The following MYO3B variants were observed in gnomAD, a reference collection of about 807,000 sequenced individuals.
MYO3B encodes myosin-IIIb.
Under a neutral mutation model 174.6 loss-of-function variants are expected in MYO3B, and 156 were observed. The ratio of observed to expected loss-of-function variants is 0.89; its 90% confidence interval spans 0.78 to 1.02. The LOEUF (loss-of-function observed/expected upper bound fraction) is 1.02, where lower values mean the gene tolerates loss of function less well. Among genes scored for constraint, MYO3B ranks in the 50% least tolerant of loss-of-function variants. The pLI is 0.00. For synonymous variants in MYO3B, 563 were observed against 569.1 expected (o/e 0.99, Z 0.15); for missense variants, 1,632 against 1,639.4 (o/e 1.00, Z 0.08).
chr2:170,534,804 T>C (rs907339154), intron 30 of MYO3B, among the ~76,000 whole-genome samples: 3 of 152,218 alleles, frequency 2.0e-5, no homozygotes, highest in Admixed American at 2.0e-4. Context: ...ATATCATGAA[T>C]ATGTACGCAT....
chr2:170,592,576 T>G (rs928135906), intron 32 of MYO3B, among the ~76,000 whole-genome samples: 1 of 152,210 alleles, frequency 6.6e-6, no homozygotes, highest in Non-Finnish European at 1.5e-5. Flanking sequence ...CAATTCACAT[T>G]TATTGAACAC....
intron 22 of MYO3B, among the ~76,000 whole-genome samples, chr2:170,429,432 C>T (rs569839011): frequency 2.0e-5 from 3 of 152,318 alleles, no homozygotes; most frequent in South Asian, 2.1e-4. Flanking sequence ...TTCCCAGTCC[C>T]ACCAGTGACT....
intron 32 of MYO3B, among the ~76,000 whole-genome samples, chr2:170,595,526 A>C (rs1454635617): frequency 6.6e-6 from 1 of 152,050 alleles, no homozygotes; most frequent in African/African-American, 2.4e-5. Flanking sequence ...GCAGCCTTGA[A>C]CCCCCAGATT....
At position 170,310,686 on chromosome 2, in the gene MYO3B, A is replaced by AAAAAAAAAAAG. The variant is rs1394362887; in HGVS notation, c.750-24698_750-24697insAAAAAAAAAGA. On this transcript the variant is annotated intron_variant, in intron 7 of 34. Coordinates refer to ENST00000408978, the MANE Select transcript of MYO3B (RefSeq NM_138995.5). The stretch of plus-strand genomic sequence containing the variant: ...ATCTCAAAAAAAAAAAAAAAAAAAA[A>AAAAAAAAAAAG]AGAAATACATTGGTTTGGTCCAGAA... Among the ~76,000 whole-genome samples the AAAAAAAAAAAG allele has an allele frequency of 1.7e-4, 26 of 150,958 alleles. 2 individuals carry two copies. The highest frequency in any genetic ancestry group is 6.1e-4 in the African/African-American group (25 of 40,868).
rs148816928 is a variant in MYO3B at position 170,198,367 on chromosome 2, A to G, written c.3-841A>G. The stretch of plus-strand genomic sequence containing the variant: ...TCCTGCCAATGGGCAGTTTCTTTTC[A>G]GGGACAAGATGAGAAAGATCACAGA... On this transcript the variant is annotated intron_variant, in intron 1 of 34. Coordinates refer to ENST00000408978, the MANE Select transcript of MYO3B (RefSeq NM_138995.5). Among the ~76,000 whole-genome samples the G allele has an allele frequency of 1.7e-4, 26 of 152,260 alleles. No individual in the cohort carries two copies. The East Asian group carries it at 4.1e-3, about 24-fold the overall frequency.
At chr2:170,643,306 G>A (rs937829810) in intron 32 of MYO3B, among the ~76,000 whole-genome samples, 3 of 152,220 alleles carry the variant, frequency 2.0e-5, no homozygotes, top group African/African-American at 4.8e-5. Flanking sequence ...TAGGGGAAGA[G>A]ACAGAGAGCC....
intron 7 of MYO3B, among the ~76,000 whole-genome samples, chr2:170,273,536 C>G (rs1315130613): frequency 6.6e-6 from 1 of 152,134 alleles, no homozygotes; most frequent in East Asian, 1.9e-4. Flanking sequence ...CAAATTAAGT[C>G]TCTGAAGAAG....
At chr2:170,358,025 G>A (rs1332504409) in intron 8 of MYO3B, among the ~76,000 whole-genome samples, 3 of 151,840 alleles carry the variant, frequency 2.0e-5, no homozygotes, top group Non-Finnish European at 2.9e-5. Flanking sequence ...GGTGGGGAGC[G>A]CCTGTAATCC....
intron 32 of MYO3B, among the ~76,000 whole-genome samples, chr2:170,581,071 A>G (rs1693117101): frequency 6.6e-6 from 1 of 152,200 alleles, no homozygotes; most frequent in African/African-American, 2.4e-5. Context: ...CACAGGATGC[A>G]CATCTACCAT....
chr2:170,269,901 C>T (rs970598548), intron 7 of MYO3B, among the ~76,000 whole-genome samples: 19 of 152,214 alleles, frequency 1.2e-4, no homozygotes, highest in Admixed American at 9.2e-4. Context: ...TCAGTAGGTT[C>T]GGTGAGGAGC....
At chr2:170,532,497 A>G (rs2106175232) in intron 30 of MYO3B, among the ~76,000 whole-genome samples, 1 of 152,248 alleles carries the variant, frequency 6.6e-6, no homozygotes, top group East Asian at 1.9e-4. Context: ...AAATACACAC[A>G]CTGAAGTATT....
Position 170,217,513 on chromosome 2 carries a change from T to C in MYO3B, c.603+118T>C, listed in dbSNP as rs2092843887. On this transcript the variant is annotated intron_variant, in intron 6 of 34. Coordinates refer to ENST00000408978, the MANE Select transcript of MYO3B (RefSeq NM_138995.5). ...TTAGGGAGAAGAAAGTCCATTATCCTCATTGAACTTTAAGAGTACTAGTTT... is the reference window on the plus strand; with the variant it reads ...TTAGGGAGAAGAAAGTCCATTATCCCCATTGAACTTTAAGAGTACTAGTTT... 9.4e-6 allele frequency: 8 copies of C among 846,866 alleles called. No individual in the cohort carries two copies. In the Admixed American group the frequency reaches 1.3e-4, roughly 13 times the overall value. 52.5% of individuals were successfully genotyped at this position (846,866 alleles called of 1,614,324 possible).
chr2:170,520,338 A>G (rs1000932989), intron 30 of MYO3B, among the ~76,000 whole-genome samples: 1 of 152,002 alleles, frequency 6.6e-6, no homozygotes, highest in Non-Finnish European at 1.5e-5. Context: ...CTGGAGACCC[A>G]GGTAATTGGG....
At position 170,615,007 on chromosome 2, in the gene MYO3B, T is replaced by C. The variant is rs553081661; in HGVS notation, c.3734-36621T>C. Among the ~76,000 whole-genome samples, 4 of 152,298 alleles carry C rather than the reference T, an allele frequency of 2.6e-5. No homozygotes were observed. The South Asian group carries it at 8.3e-4, about 32-fold the overall frequency. On this transcript the variant is annotated intron_variant, in intron 32 of 34. Coordinates refer to ENST00000408978, the MANE Select transcript of MYO3B (RefSeq NM_138995.5). ...ATGTTATTTAATGTCACAGTTACTT[T>C]CTGTTTCTTACATTAAATGACCTCC...
At chr2:170,592,996 G>A (rs898974921) in intron 32 of MYO3B, among the ~76,000 whole-genome samples, 2 of 151,970 alleles carry the variant, frequency 1.3e-5, no homozygotes, top group Non-Finnish European at 2.9e-5. Context: ...TAGGTAGATA[G>A]ATAGATGGAT....
chr2:170,462,130 C>A (rs1684332151), intron 23 of MYO3B, among the ~76,000 whole-genome samples: 1 of 152,214 alleles, frequency 6.6e-6, no homozygotes, highest in South Asian at 2.1e-4. Flanking sequence ...AACCCAGGAT[C>A]TTTCCTTTCC....
intron 3 of MYO3B, among the ~76,000 whole-genome samples, chr2:170,213,574 CT>C (rs2092795861): frequency 6.6e-6 from 1 of 152,198 alleles, no homozygotes; most frequent in African/African-American, 2.4e-5. Context: ...GGCTACCTGC[CT>C]TTTGTTTTGC....
intron 32 of MYO3B, among the ~76,000 whole-genome samples, chr2:170,591,416 G>A (rs901854243): frequency 6.6e-6 from 1 of 152,134 alleles, no homozygotes; most frequent in Non-Finnish European, 1.5e-5. Flanking sequence ...TCAAAGAGAT[G>A]TCAGGGTTGT....
chr2:170,274,008 G>A (rs955777239), intron 7 of MYO3B, among the ~76,000 whole-genome samples: 2 of 152,074 alleles, frequency 1.3e-5, no homozygotes, highest in African/African-American at 4.8e-5. Flanking sequence ...GGTGATGTGT[G>A]TATGAGCTGA....
Sources: allele counts gnomAD v4.1 joint callset (sites outside exome capture counted in the v4.1 genomes callset), GRCh38; gene constraint gnomAD v4.1.1; transcripts MANE v1.5; gene names NCBI Gene and HGNC (gene_info 2026-07-23, HGNC 2026-07-21).